PRDM16: variants seen among roughly 807,000 people sequenced by gnomAD.
PRDM16 encodes the protein PR/SET domain 16.
PRDM16 carries 23 observed loss-of-function variants against 110.6 expected under a neutral mutation model. The observed-to-expected ratio is 0.21, with a 90% CI of 0.15 to 0.29. The LOEUF is 0.29. Among genes scored for constraint, PRDM16 ranks in the 10% least tolerant of loss-of-function variants. PRDM16 has a pLI of 1.00. For missense variants in PRDM16, 1,615 were observed against 1,794.3 expected, an observed-to-expected ratio of 0.90 and a Z score of 1.81; for synonymous variants, 799 against 781.8, an observed-to-expected ratio of 1.02 and a Z score of -0.37.
intron 1 of PRDM16, among the ~76,000 whole-genome samples, chr1:3,073,746 G>T (rs886787905): frequency 6.6e-6 from 1 of 152,172 alleles, no homozygotes; most frequent in Non-Finnish European, 1.5e-5. Context: ...CAACTACCGC[G>T]GAGCAGCGCC....
At chr1:3,268,171 C>G (rs1172857997) in intron 3 of PRDM16, among the ~76,000 whole-genome samples, 2 of 152,168 alleles carry the variant, frequency 1.3e-5, no homozygotes, top group African/African-American at 2.4e-5. Context: ...GAGAAGGGCC[C>G]GACGCTCCTG....
intron 1 of PRDM16, among the ~76,000 whole-genome samples, chr1:3,077,243 C>A (rs2981888): frequency 2.0e-5 from 3 of 152,076 alleles, no homozygotes; most frequent in East Asian, 1.9e-4. Context: ...GCCCTGCCCC[C>A]TGACACAAGC....
chr1:3,100,029 GCCT>G (rs1287875148), intron 1 of PRDM16, among the ~76,000 whole-genome samples: 5 of 152,186 alleles, frequency 3.3e-5, no homozygotes, highest in Non-Finnish European at 4.4e-5. Context: ...CCGTAGAGGA[GCCT>G]GCTCCTCTAA....
chr1:3,114,427 C>CT (rs142220406), intron 1 of PRDM16, among the ~76,000 whole-genome samples: 1 of 135,610 alleles, frequency 7.4e-6, no homozygotes, highest in Non-Finnish European at 1.5e-5. Flanking sequence ...CATGCACACA[C>CT]CAGGTGTAAA....
At chr1:3,409,754 GGTGTGAGTGTGTGTGGTTGT>G (rs1557659447) in intron 8 of PRDM16, among the ~76,000 whole-genome samples, 1 of 134,750 alleles carries the variant, frequency 7.4e-6, no homozygotes. Flanking sequence ...GTGTGGTGTG[GGTGTGAGTGTGTGTGGTTGT>G]GTGTGGGTGT....
In PRDM16 at chr1:3,089,178, G is replaced by A. The variant is rs571284744; in HGVS notation, c.37+19882G>A. On this transcript the variant is annotated intron_variant, in intron 1 of 16. Transcript: ENST00000270722. ...GTGTTTTGCAGGCCTGGGCCCCTCC[G>A]ACTCGACGTCTGAATGGAGATGGTG... Among the ~76,000 whole-genome samples the A allele has an allele frequency of 2.0e-5, 3 of 152,224 alleles. No homozygotes were observed. The East Asian group carries it at 5.8e-4, about 29-fold the overall frequency.
At chr1:3,288,943 A>G (rs1227224925) in intron 3 of PRDM16, among the ~76,000 whole-genome samples, 2 of 152,130 alleles carry the variant, frequency 1.3e-5, no homozygotes, top group African/African-American at 2.4e-5. Context: ...GAAGTTCCCT[A>G]GAGTGGAAGA....
chr1:3,180,692 G>T (rs1644140168), intron 1 of PRDM16, among the ~76,000 whole-genome samples: 1 of 133,872 alleles, frequency 7.5e-6, no homozygotes, highest in Non-Finnish European at 1.6e-5. Flanking sequence ...CCGAACTTCA[G>T]CCCCTCACCC....
intron 1 of PRDM16, among the ~76,000 whole-genome samples, chr1:3,152,960 C>G (rs1386902013): frequency 1.3e-5 from 2 of 152,228 alleles, no homozygotes; most frequent in Admixed American, 1.3e-4. Context: ...AACAAACTAA[C>G]AGGGGTCATT....
rs192439775 is a variant in PRDM16 at position 3,272,193 on chromosome 1, G to A, written c.438+28056G>A. ...GGCAAGGCCCAGGGGCTCTCAGACCGGATCCTGCTCATCCTGCATCTGCAG... is the reference window on the plus strand; with the variant it reads ...GGCAAGGCCCAGGGGCTCTCAGACCAGATCCTGCTCATCCTGCATCTGCAG... On this transcript the variant is annotated intron_variant, in intron 3 of 16. Coordinates refer to ENST00000270722, the MANE Select transcript of PRDM16 (RefSeq NM_022114.4). Among the ~76,000 whole-genome samples, 382 of 152,330 alleles carry A rather than the reference G, an allele frequency of 2.5e-3. 1 individual carries two copies. Among genetic ancestry groups the A allele is most frequent in the African/African-American group, 8.6e-3 (357 of 41,576 alleles).
At chr1:3,173,550 C>T (rs898130734) in intron 1 of PRDM16, among the ~76,000 whole-genome samples, 2 of 152,222 alleles carry the variant, frequency 1.3e-5, no homozygotes, top group Admixed American at 1.3e-4. Context: ...GGGGAGATTC[C>T]AGGGGCTGGG....
At chr1:3,090,101 C>G (rs1384193983) in intron 1 of PRDM16, among the ~76,000 whole-genome samples, 1 of 152,210 alleles carries the variant, frequency 6.6e-6, no homozygotes, top group East Asian at 1.9e-4. Flanking sequence ...ACAAACCCCC[C>G]AGCCAGGATG....
At chr1:3,086,894 C>A (rs938405684) in intron 1 of PRDM16, among the ~76,000 whole-genome samples, 1 of 152,028 alleles carries the variant, frequency 6.6e-6, no homozygotes, top group African/African-American at 2.4e-5. Flanking sequence ...AGTAGTGAAG[C>A]AATTAAGCGA....
chr1:3,147,212 G>A (rs911756127), intron 1 of PRDM16, among the ~76,000 whole-genome samples: 1 of 151,862 alleles, frequency 6.6e-6, no homozygotes, highest in Non-Finnish European at 1.5e-5. Flanking sequence ...TGTTCAGTGT[G>A]GGGTGTGTGT....
At chr1:3,270,145 CGGA>C (rs1640405557) in intron 3 of PRDM16, among the ~76,000 whole-genome samples, 1 of 137,612 alleles carries the variant, frequency 7.3e-6, no homozygotes, top group South Asian at 2.4e-4. Context: ...AGTACAGTCC[CGGA>C]GGAGGACAGT....
intron 3 of PRDM16, among the ~76,000 whole-genome samples, chr1:3,374,522 C>T (rs1642959731): frequency 6.6e-6 from 1 of 152,230 alleles, no homozygotes; most frequent in African/African-American, 2.4e-5. Context: ...CCCCGCACAG[C>T]AGCCACCTAG....
chr1:3,114,483 C>T (rs965133130), intron 1 of PRDM16, among the ~76,000 whole-genome samples: 8 of 148,148 alleles, frequency 5.4e-5, no homozygotes, highest in South Asian at 2.1e-4. Flanking sequence ...TAAACAGACA[C>T]GCACGCACGC....
chr1:3,241,039 G>C (rs1639659786), intron 2 of PRDM16, among the ~76,000 whole-genome samples: 1 of 152,246 alleles, frequency 6.6e-6, no homozygotes, highest in African/African-American at 2.4e-5. Context: ...AAAATAAAGA[G>C]GGTTTTCAGC....
chr1:3,274,427 T>C (rs557241443), intron 3 of PRDM16, among the ~76,000 whole-genome samples: 3 of 152,314 alleles, frequency 2.0e-5, no homozygotes, highest in South Asian at 4.1e-4. Context: ...AATTAAACCC[T>C]GAAGGTTTAT....
Sources: gnomAD v4.1 joint callset for allele counts (sites outside exome capture counted in the v4.1 genomes callset) on GRCh38, gnomAD v4.1.1 for gene constraint, MANE v1.5 for transcripts, NCBI Gene and HGNC (gene_info 2026-07-23, HGNC 2026-07-21) for gene names.